Variants in LHFPL3 observed in about 807,000 individuals in gnomAD.
The protein encoded by LHFPL3 is LHFPL tetraspan subfamily member 3 protein.
In LHFPL3, 5 loss-of-function variants were observed where a neutral mutation model predicts 19.3. The observed-to-expected ratio is 0.26, with a 90% CI of 0.14 to 0.54. The LOEUF (loss-of-function observed/expected upper bound fraction) is 0.54. LHFPL3 is among the 20% of genes least tolerant of loss of function. LHFPL3 has a pLI of 0.94. For missense variants in LHFPL3, 249 were observed against 307.4 expected (o/e 0.81, Z 1.42); for synonymous variants, 133 against 126.2 (o/e 1.05, Z -0.36).
At chr7:104,404,695 G>A (rs2188484) in intron 1 of LHFPL3, among the ~76,000 whole-genome samples, 5,675 of 152,242 alleles carry the variant, frequency 0.037, 302 homozygotes, top group East Asian at 0.16. Context: ...CTTTTAGGAG[G>A]TAGAATAACT....
At chr7:104,586,046 C>A (rs911960010) in intron 1 of LHFPL3, among the ~76,000 whole-genome samples, 3 of 151,898 alleles carry the variant, frequency 2.0e-5, no homozygotes, top group Non-Finnish European at 4.4e-5. Flanking sequence ...GAGTGTCAGT[C>A]AGTTGAGAAT....
intron 1 of LHFPL3, among the ~76,000 whole-genome samples, chr7:104,438,260 G>T (rs1792150617): frequency 6.6e-6 from 1 of 152,020 alleles, no homozygotes; most frequent in African/African-American, 2.4e-5. Context: ...TGCTGCATCA[G>T]CTTGGCTGTG....
intron 2 of LHFPL3, among the ~76,000 whole-genome samples, chr7:104,794,999 T>C (rs1315566534): frequency 3.9e-5 from 6 of 152,238 alleles, no homozygotes; most frequent in Non-Finnish European, 8.8e-5. Context: ...GGTTAGCACC[T>C]GGATAACAGA....
chr7:104,867,878 C>T (rs1791758032), intron 2 of LHFPL3, among the ~76,000 whole-genome samples: 1 of 152,180 alleles, frequency 6.6e-6, no homozygotes, highest in Non-Finnish European at 1.5e-5. Flanking sequence ...AGCTTATCCA[C>T]CATGATCGAG....
intron 2 of LHFPL3, among the ~76,000 whole-genome samples, chr7:104,876,571 A>G (rs1231025277): frequency 6.6e-6 from 1 of 151,418 alleles, no homozygotes; most frequent in Non-Finnish European, 1.5e-5. Context: ...CAAAACCACA[A>G]TGAGATACCA....
chr7:104,408,924 G>A (rs757697862), intron 1 of LHFPL3, among the ~76,000 whole-genome samples: 22 of 147,770 alleles, frequency 1.5e-4, no homozygotes, highest in Non-Finnish European at 2.8e-4. Context: ...GAGTGCAATG[G>A]CGCGATCTCG....
intron 1 of LHFPL3, among the ~76,000 whole-genome samples, chr7:104,561,729 T>C (rs1259828559): frequency 6.6e-6 from 1 of 152,120 alleles, no homozygotes; most frequent in Non-Finnish European, 1.5e-5. Context: ...GTCATTATGA[T>C]GTTAGCTGGT....
intron 2 of LHFPL3, among the ~76,000 whole-genome samples, chr7:104,818,341 C>T (rs1790605784): frequency 6.6e-6 from 1 of 151,154 alleles, no homozygotes; most frequent in Non-Finnish European, 1.5e-5. Flanking sequence ...CTTTGCCCAC[C>T]TAAGGCAACT....
At chr7:104,431,059 G>A (rs1279401717) in intron 1 of LHFPL3, among the ~76,000 whole-genome samples, 3 of 152,142 alleles carry the variant, frequency 2.0e-5, no homozygotes, top group African/African-American at 7.2e-5. Flanking sequence ...TCCTTCTTAT[G>A]TAAAAAGACT....
intron 2 of LHFPL3, among the ~76,000 whole-genome samples, chr7:104,880,398 G>A (rs567006314): frequency 2.0e-5 from 3 of 152,134 alleles, no homozygotes; most frequent in Admixed American, 1.3e-4. Flanking sequence ...GCAGAACCAT[G>A]AGCCAAATAA....
intron 1 of LHFPL3, among the ~76,000 whole-genome samples, chr7:104,514,475 T>TA (rs1293641337): frequency 6.6e-6 from 1 of 152,206 alleles, no homozygotes; most frequent in Non-Finnish European, 1.5e-5. Flanking sequence ...TTGCCTGACA[T>TA]ATTGTAGGTG....
rs180713015 is a variant in LHFPL3, at chr7:104,391,010, C to A, written c.445+61786C>A. On this transcript the variant is annotated intron_variant, in intron 1 of 2. Transcript: ENST00000424859. ...TTGAAAAGGATCTGTTCATATCCTT[C>A]GCCTACTTTTTGATGGGGTTGTTTG... Among the ~76,000 whole-genome samples the A allele has an allele frequency of 2.0e-5, 3 of 152,208 alleles. No individual in the cohort carries two copies. The East Asian group carries it at 5.8e-4, about 29-fold the overall frequency.
At chr7:104,462,489 A>G (rs1792687315) in intron 1 of LHFPL3, among the ~76,000 whole-genome samples, 1 of 152,000 alleles carries the variant, frequency 6.6e-6, no homozygotes, top group Non-Finnish European at 1.5e-5. Flanking sequence ...GATAATCATG[A>G]TGTATCTATT....
chr7:104,471,627 C>T (rs1393513190), intron 1 of LHFPL3, among the ~76,000 whole-genome samples: 1 of 152,156 alleles, frequency 6.6e-6, no homozygotes, highest in Non-Finnish European at 1.5e-5. Context: ...TGGTGAATCT[C>T]AGATAAAATG....
At chr7:104,371,431 C>G (rs147200000) in intron 1 of LHFPL3, among the ~76,000 whole-genome samples, 1 of 152,144 alleles carries the variant, frequency 6.6e-6, no homozygotes, top group Non-Finnish European at 1.5e-5. Context: ...TGGCAACAGG[C>G]TAATTCACGT....
intron 2 of LHFPL3, among the ~76,000 whole-genome samples, chr7:104,812,980 GCT>G (rs1447522443): frequency 2.6e-5 from 4 of 151,954 alleles, no homozygotes; most frequent in East Asian, 1.9e-4. Context: ...GGATGTGGTG[GCT>G]CACACCTGTA....
intron 1 of LHFPL3, among the ~76,000 whole-genome samples, chr7:104,734,436 C>T (rs985285410): frequency 3.3e-5 from 5 of 152,140 alleles, no homozygotes; most frequent in Non-Finnish European, 7.4e-5. Context: ...TCTTTTTTCT[C>T]TAAACCTCTC....
At chr7:104,829,374 C>G (rs532147873) in intron 2 of LHFPL3, among the ~76,000 whole-genome samples, 1 of 151,564 alleles carries the variant, frequency 6.6e-6, no homozygotes, top group Non-Finnish European at 1.5e-5. Context: ...TACATGTGCA[C>G]AATGTGCAAA....
intron 2 of LHFPL3, among the ~76,000 whole-genome samples, chr7:104,764,161 TTTTG>T (rs898668231): frequency 1.3e-5 from 2 of 152,082 alleles, no homozygotes; most frequent in African/African-American, 4.8e-5. Context: ...ACAGTCCTTT[TTTTG>T]TTTGTTTTGT....
Sources: gnomAD v4.1 joint callset for allele counts (sites outside exome capture counted in the v4.1 genomes callset) on GRCh38, gnomAD v4.1.1 for gene constraint, MANE v1.5 for transcripts, NCBI Gene and HGNC (gene_info 2026-07-23, HGNC 2026-07-21) for gene names.